The following USP42 variants were observed in gnomAD, a reference collection of about 807,000 sequenced individuals.
USP42 encodes ubiquitin specific peptidase 42, also known as ubiquitin carboxyl-terminal hydrolase 42.
In USP42, 23 loss-of-function variants were observed where a neutral mutation model predicts 113.0. That is an observed-to-expected ratio of 0.20 (90% CI 0.15 to 0.29). The LOEUF is 0.29. Among genes scored for constraint, USP42 ranks in the 10% least tolerant of loss-of-function variants. USP42 has a pLI of 1.00. For synonymous variants in USP42, 933 were observed against 699.0 expected, an observed-to-expected ratio of 1.33 and a Z score of -5.28; for missense variants, 2,174 against 1,779.8, an observed-to-expected ratio of 1.22 and a Z score of -3.99.
At position 6,152,865 on chromosome 7, in the gene USP42, C is replaced by T. The variant is rs1273097612; in HGVS notation, c.2202-891C>T. On this transcript the variant is annotated intron_variant, in intron 14 of 17. Coordinates refer to ENST00000306177, the MANE Select transcript of USP42 (RefSeq NM_032172.3). ...AGCTGCTGGCTGTGTTTGGAGGTGG[C>T]CCCTCTACCTTTGAGGGTCCAAGAG... 4 of 866,370 alleles carry T rather than the reference C, an allele frequency of 4.6e-6. No homozygotes were observed. The African/African-American group carries it at 5.5e-5, about 12-fold the overall frequency. The allele number at this position is 866,370 out of a possible 1,614,324, so 53.7% of individuals were successfully genotyped here. A position where few individuals can be genotyped will look rare whatever the true frequency, so the allele number is the denominator to read the frequency against.
At chr7:6,093,243 CCTTCCTTT>C in the USP42 span, among the ~76,000 whole-genome samples, 1 of 143,396 alleles carries the variant, frequency 7.0e-6, no homozygotes, top group Non-Finnish European at 1.5e-5. Flanking sequence ...CTCTCTTCCT[CCTTCCTTT>C]CTTCCTTTCT....
At chr7:6,097,386 CTT>C in the USP42 span, among the ~76,000 whole-genome samples, 8 of 108,420 alleles carry the variant, frequency 7.4e-5, no homozygotes, top group African/African-American at 7.3e-5. Flanking sequence ...CCTGTGGGTC[CTT>C]TTTTTTTTTT....
chr7:6,110,167 C>T (rs1189649420), intron 1 of USP42, among the ~76,000 whole-genome samples: 1 of 152,132 alleles, frequency 6.6e-6, no homozygotes, highest in Admixed American at 6.6e-5. Flanking sequence ...AGTGGCATGT[C>T]TAGATGTGGC....
chr7:6,088,026 A>G, the USP42 span, among the ~76,000 whole-genome samples: 1 of 151,002 alleles, frequency 6.6e-6, no homozygotes, highest in Admixed American at 6.6e-5. Flanking sequence ...TAGGACAGGC[A>G]TGGTGGCTCA....
intron 4 of USP42, among the ~76,000 whole-genome samples, chr7:6,136,274 G>T (rs1048764447): frequency 3.3e-5 from 5 of 152,048 alleles, no homozygotes; most frequent in African/African-American, 1.2e-4. Flanking sequence ...AAAGTGCTGG[G>T]ATTACAGGCG....
intron 1 of USP42, among the ~76,000 whole-genome samples, chr7:6,107,969 C>T (rs1025787275): frequency 6.6e-6 from 1 of 151,958 alleles, no homozygotes; most frequent in Non-Finnish European, 1.5e-5. Context: ...GATAATCTTA[C>T]CCTAGTTAAA....
At position 6,116,103 on chromosome 7, in the gene USP42, CA is replaced by C. The variant is rs1363199312; in HGVS notation, c.442+598del. Among the ~76,000 whole-genome samples the C allele has an allele frequency of 5.4e-3, 392 of 72,158 alleles. 1 individual carries two copies. The highest frequency in any genetic ancestry group is 8.6e-3 in the Non-Finnish European group (269 of 31,326). 47.3% of individuals were successfully genotyped at this position (72,158 alleles called of 152,430 possible). ...TAGACAACAGAAAGAGACCCTGTCT[CA>C]AAAAAAAAAAAAAAAAACGTCTGAT... On this transcript the variant is annotated intron_variant, in intron 3 of 17. Coordinates refer to ENST00000306177, the MANE Select transcript of USP42 (RefSeq NM_032172.3).
At chr7:6,086,244 C>T in the USP42 span, among the ~76,000 whole-genome samples, 3 of 138,062 alleles carry the variant, frequency 2.2e-5, no homozygotes, top group East Asian at 4.2e-4. Flanking sequence ...CTCGCTCTGT[C>T]GCCCAGGCTG....
At chr7:6,146,075 G>T in intron 10 of USP42, 73 bp from the exon 11 acceptor site, 2 of 1,197,884 alleles carry the variant, frequency 1.7e-6, no homozygotes, top group Non-Finnish European at 2.4e-6. Context: ...AAAAAAGAAA[G>T]AAATATTTCT....
intron 1 of USP42, among the ~76,000 whole-genome samples, chr7:6,110,747 A>G (rs2128476469): frequency 6.6e-6 from 1 of 152,294 alleles, no homozygotes; most frequent in Admixed American, 6.5e-5. Context: ...ACTGTGTATA[A>G]TTTTTCTAGT....
chr7:6,145,580 T>C lies in USP42; in HGVS notation c.1055T>C (p.Ile352Thr). The change falls in exon 10 of 18, where the codon ATT (isoleucine) becomes ACT (threonine). Residue 352 changes from isoleucine to threonine, a missense_variant. Ile to Thr is a moderately conservative substitution (Grantham distance 89, BLOSUM62 -1). Transcript: ENST00000306177. ...ATGTCTCAACCCAACGGAGAGCCAA[T>C]TGTCTACGTCTTGTATGCAGTGCTG... ...PYMSQPNGEPIVYVLYAVLVH... is the reference protein window; with the variant it reads ...PYMSQPNGEPTVYVLYAVLVH... The C allele has an allele frequency of 6.2e-7, 1 of 1,614,010 alleles. No individual in the cohort carries two copies. Among genetic ancestry groups the C allele is most frequent in the East Asian group, 2.2e-5 (1 of 44,890 alleles).
chr7:6,108,786 TA>T lies in USP42; in HGVS notation c.-9-2329del, dbSNP rs958411451. Among the ~76,000 whole-genome samples the T allele has an allele frequency of 4.8e-4, 72 of 151,406 alleles. 1 individual carries two copies. The highest frequency in any genetic ancestry group is 1.6e-3 in the African/African-American group (66 of 41,342). On this transcript the variant is annotated intron_variant, in intron 1 of 17. Transcript: ENST00000306177. ...GAGCCACTGCGCCCAGCCTCAATAT[TA>T]AAAAAAAAATTTTTTAAGGCCATTT... is the stretch of plus-strand genomic sequence containing the variant.
intron 2 of USP42, among the ~76,000 whole-genome samples, chr7:6,112,455 G>GA (rs1779648208): frequency 6.8e-6 from 1 of 147,446 alleles, no homozygotes; most frequent in African/African-American, 2.5e-5. Context: ...GTCTCAAAAA[G>GA]AAAAAAGAAA....
rs199589142 is a variant in USP42, at chr7:6,141,196, C to CTTTTTTT, written c.795+216_795+217insTTTTTTT. On this transcript the variant is annotated intron_variant, in intron 7 of 17. Transcript: ENST00000306177. ...TTATTACTCTTTGAATTTTCTTTTT[C>CTTTTTTT]TTTTCTTTTTTTTTTTTTTTTTTTG... 3.3e-3 allele frequency among the ~76,000 whole-genome samples: 436 copies of CTTTTTTT among 131,696 alleles called. 3 individuals carry two copies. The highest frequency in any genetic ancestry group is 6.6e-3 in the African/African-American group (234 of 35,480). 86.4% of individuals were successfully genotyped at this position (131,696 alleles called of 152,430 possible). A position where few individuals can be genotyped will look rare whatever the true frequency, so the allele number is the denominator to read the frequency against.
chr7:6,154,977 C>G lies in USP42; in HGVS notation c.3423C>G (p.Ala1141=). ...CCCACGACAGAACTGCACTTGTAGC[C>G]GGAGACAACTGTAACCTCTCTGATC... ...RFSHDRTALV[A]GDNCNLSDRF... is the part of the protein sequence containing the mutation. The change falls in exon 15 of 18, where the codon GCC becomes GCG. Residue 1141 remains alanine, a synonymous_variant. Transcript: ENST00000306177. The G allele has an allele frequency of 1.3e-6, 2 of 1,562,316 alleles. No homozygotes were observed. The highest frequency in any genetic ancestry group is 1.7e-6 in the Non-Finnish European group (2 of 1,152,894).
In USP42 at chr7:6,157,406, T is replaced by G; in HGVS notation, c.3943+351T>G. The G allele has an allele frequency of 2.0e-6, 2 of 982,546 alleles. No homozygotes were observed. The highest frequency in any genetic ancestry group is 1.7e-5 in the African/African-American group (1 of 57,436). The allele number at this position is 982,546 out of a possible 1,614,324, so 60.9% of individuals were successfully genotyped here. A position where few individuals can be genotyped will look rare whatever the true frequency, so the allele number is the denominator to read the frequency against. On this transcript the variant is annotated intron_variant, in intron 16 of 17. Transcript: ENST00000306177. This position sits in a 1 kb window ranked among gnomAD's most constrained non-coding sequence, Gnocchi z 4.1. ...TTTATTTTATTTTATTTTATTTATTTTATTTTTTGAGACGGAGTCTTGCTC... is the reference window on the plus strand; with the variant it reads ...TTTATTTTATTTTATTTTATTTATTGTATTTTTTGAGACGGAGTCTTGCTC...
At chr7:6,155,774 CAG>C (rs1326276131) in intron 15 of USP42, among the ~76,000 whole-genome samples, 3 of 152,140 alleles carry the variant, frequency 2.0e-5, no homozygotes, top group Admixed American at 2.0e-4. Context: ...TTTTAAGAGA[CAG>C]GGTGTTGCTC....
At chr7:6,128,854 T>C (rs201617083) in intron 3 of USP42, among the ~76,000 whole-genome samples, 1 of 146,934 alleles carries the variant, frequency 6.8e-6, no homozygotes, top group African/African-American at 2.6e-5. Flanking sequence ...ACAGGGTCTC[T>C]CTGTCACCTA....
rs186924738 is a variant in USP42 at position 6,154,317 on chromosome 7, C to A, written c.2763C>A (p.Gly921=). The A allele has an allele frequency of 3.2e-5, 50 of 1,576,864 alleles. No homozygotes were observed. Among genetic ancestry groups the A allele is most frequent in the Admixed American group, 1.3e-4 (7 of 54,366 alleles). The change falls in exon 15 of 18, where the codon GGC becomes GGA. Residue 921 remains glycine (G), a synonymous_variant. Transcript: ENST00000306177. ...HPEGDAEPSP[G]ERVEDAAAPK... Reference sequence around the variant, plus strand: ...AAGGGGACGCTGAGCCTAGCCCCGGCGAGAGGGTCGAGGACGCCGCGGCGC... The same window carrying A: ...AAGGGGACGCTGAGCCTAGCCCCGGAGAGAGGGTCGAGGACGCCGCGGCGC...
Sources: allele counts gnomAD v4.1 joint callset (sites outside exome capture counted in the v4.1 genomes callset), GRCh38; gene constraint gnomAD v4.1.1; non-coding constraint Gnocchi (gnomAD v3.1); transcripts MANE v1.5; gene names NCBI Gene and HGNC (gene_info 2026-07-23, HGNC 2026-07-21).